DR1: variants seen among roughly 807,000 people sequenced by gnomAD.
DR1 encodes protein Dr1.
Under a neutral mutation model 19.9 loss-of-function variants are expected in DR1, and 7 were observed. The ratio of observed to expected loss-of-function variants is 0.35; its 90% CI spans 0.20 to 0.66. The LOEUF is 0.66. DR1 is among the 30% of genes least tolerant of loss of function. The pLI, the probability that DR1 is intolerant of heterozygous loss-of-function variation, is 0.66. For synonymous variants in DR1, 76 were observed against 72.5 expected, an observed-to-expected ratio of 1.05 and a Z score of -0.24; for missense variants, 98 against 203.7, an observed-to-expected ratio of 0.48 and a Z score of 3.16.
intron 1 of DR1, among the ~76,000 whole-genome samples, chr1:93,352,543 A>G (rs1489815519): frequency 2.0e-5 from 3 of 152,222 alleles, no homozygotes; most frequent in Non-Finnish European, 4.4e-5. Flanking sequence ...TAAAGTTGTA[A>G]ATCATTCAAA....
At chr1:93,356,712 G>A (rs1301474680) in intron 2 of DR1, among the ~76,000 whole-genome samples, 1 of 143,224 alleles carries the variant, frequency 7.0e-6, no homozygotes, top group Non-Finnish European at 1.5e-5. Flanking sequence ...ATTTTCTTAT[G>A]AACTCTTACA....
In DR1 at chr1:93,362,410, A is replaced by G. The variant is rs1258506546; in HGVS notation, c.*1771A>G. On this transcript the variant is annotated 3_prime_UTR_variant, in exon 3 of 3. Transcript: ENST00000370272. ...TCTATTTTAAGTATATCTGTTTCTT[A>G]AGTAAACAACTTAGATATTTTCCAC... The G allele has an allele frequency of 6.6e-6, 1 of 150,710 alleles. No homozygotes were observed. Among genetic ancestry groups the G allele is most frequent in the Non-Finnish European group, 1.5e-5 (1 of 67,578 alleles). 9.3% of individuals were successfully genotyped at this position (150,710 alleles called of 1,614,324 possible).
In DR1 at chr1:93,361,410, A is replaced by G. The variant is rs1303589928; in HGVS notation, c.*771A>G. On this transcript the variant is annotated 3_prime_UTR_variant, in exon 3 of 3. Transcript: ENST00000370272. ...TCACTCCAATTCAGTAATTGTTGAT[A>G]GTATTACTTACCTAGTCCATCCATA... 1 of 152,576 alleles carries G rather than the reference A, an allele frequency of 6.6e-6. No individual in the cohort carries two copies. The highest frequency in any genetic ancestry group is 2.4e-5 in the African/African-American group (1 of 41,430). The allele number at this position is 152,576 out of a possible 1,614,324, so 9.5% of individuals were successfully genotyped here.
At chr1:93,352,125 A>G (rs1338108507) in intron 1 of DR1, among the ~76,000 whole-genome samples, 2 of 152,212 alleles carry the variant, frequency 1.3e-5, no homozygotes, top group East Asian at 3.8e-4. Context: ...GTTGGAGTGC[A>G]GTGCCACAGT....
At chr1:93,354,665 T>G (rs1005560160) in intron 2 of DR1, among the ~76,000 whole-genome samples, 2 of 152,278 alleles carry the variant, frequency 1.3e-5, no homozygotes, top group African/African-American at 4.8e-5. Flanking sequence ...TTCTAAGTTC[T>G]GGCCTCTCAT....
At position 93,364,726 on chromosome 1, in the gene DR1, T is replaced by G. The variant is rs903190302; in HGVS notation, c.*4087T>G. ...TCACCTAAAGTATTACCACTGGTTC[T>G]TATCCTATTTCCTCAAAATAAATGA... On this transcript the variant is annotated 3_prime_UTR_variant, in exon 3 of 3. Transcript: ENST00000370272. 2.0e-5 allele frequency: 3 copies of G among 151,968 alleles called. No homozygotes were observed. The highest frequency in any genetic ancestry group is 6.6e-5 in the Admixed American group (1 of 15,264). The allele number at this position is 151,968 out of a possible 1,614,324, so 9.4% of individuals were successfully genotyped here.
chr1:93,359,492 A>G (rs542766971), intron 2 of DR1, among the ~76,000 whole-genome samples: 1 of 152,342 alleles, frequency 6.6e-6, no homozygotes, highest in African/African-American at 2.4e-5. Context: ...TGGAAAGGTC[A>G]AGAAAGACTA....
intron 1 of DR1, among the ~76,000 whole-genome samples, chr1:93,351,367 T>C (rs1303927816): frequency 6.6e-6 from 1 of 151,844 alleles, no homozygotes; most frequent in Admixed American, 6.6e-5. Context: ...TAAAGGTAGT[T>C]ATATATTTAA....
Position 93,346,607 on chromosome 1 carries a change from A to C in DR1, c.-39A>C. 3 of 1,551,946 alleles carry C rather than the reference A, an allele frequency of 1.9e-6. No homozygotes were observed. Among genetic ancestry groups the C allele is most frequent in the Non-Finnish European group, 2.7e-6 (3 of 1,126,332 alleles). On this transcript the variant is annotated 5_prime_UTR_variant, in exon 1 of 3. Transcript: ENST00000370272. ...GTGGAGTAGTGGACCAGAGCTGGGG[A>C]GTTTTTAAAAGCCGGGGCGCGAGAA...
At position 93,364,137 on chromosome 1, in the gene DR1, T is replaced by C. The variant is rs960557606; in HGVS notation, c.*3498T>C. ...GTAGCATAAAAATGAATTACGCTAA[T>C]GATCTTAGTGGGTTGAATTTCTCGA... On this transcript the variant is annotated 3_prime_UTR_variant, in exon 3 of 3. Coordinates refer to ENST00000370272, the MANE Select transcript of DR1 (RefSeq NM_001938.3). 4 of 152,218 alleles carry C rather than the reference T, an allele frequency of 2.6e-5. No individual in the cohort carries two copies. Among genetic ancestry groups the C allele is most frequent in the African/African-American group, 9.6e-5 (4 of 41,462 alleles). The allele number at this position is 152,218 out of a possible 1,614,324, so 9.4% of individuals were successfully genotyped here.
Position 93,363,006 on chromosome 1 carries a change from G to A in DR1, c.*2367G>A, listed in dbSNP as rs939075822. On this transcript the variant is annotated 3_prime_UTR_variant, in exon 3 of 3. Coordinates refer to ENST00000370272, the MANE Select transcript of DR1 (RefSeq NM_001938.3). Reference sequence around the variant, plus strand: ...GAATATATGTTATATATTCTTTTTCGGCAGATTATCAGATTAGTAAGTGTT... The same window carrying A: ...GAATATATGTTATATATTCTTTTTCAGCAGATTATCAGATTAGTAAGTGTT... 9.3e-5 allele frequency: 14 copies of A among 150,614 alleles called. No homozygotes were observed. Among genetic ancestry groups the A allele is most frequent in the Admixed American group, 2.6e-4 (4 of 15,136 alleles). 9.3% of individuals were successfully genotyped at this position (150,614 alleles called of 1,614,324 possible).
rs1463898603 is a variant in DR1 at position 93,366,787 on chromosome 1, AC to A, written c.*6150del. ...GAAGTCGAGGTGGGCAGATGGCTTG[AC>A]CTCAGGAGTTCGGAACCAGCCTGGG... On this transcript the variant is annotated 3_prime_UTR_variant, in exon 3 of 3. Transcript: ENST00000370272. 3 of 152,182 alleles carry A rather than the reference AC, an allele frequency of 2.0e-5. No individual in the cohort carries two copies. The highest frequency in any genetic ancestry group is 1.3e-4 in the Admixed American group (2 of 15,270). The allele number at this position is 152,182 out of a possible 1,614,324, so 9.4% of individuals were successfully genotyped here. A position where few individuals can be genotyped will look rare whatever the true frequency, so the allele number is the denominator to read the frequency against.
intron 1 of DR1, among the ~76,000 whole-genome samples, chr1:93,348,757 CT>C (rs1053734690): frequency 2.6e-5 from 4 of 151,922 alleles, no homozygotes; most frequent in Non-Finnish European, 4.4e-5. Flanking sequence ...AAAAATTTAC[CT>C]TTTTTTCTTG....
rs71311970 is a variant in DR1 at position 93,361,043 on chromosome 1, A to AGG, written c.*411_*412dup. The AGG allele has an allele frequency of 0.054, 7,928 of 147,532 alleles. 289 individuals carry two copies. The highest frequency in any genetic ancestry group is 0.081 in the Middle Eastern group (25 of 310). 9.1% of individuals were successfully genotyped at this position (147,532 alleles called of 1,614,324 possible). A position where few individuals can be genotyped will look rare whatever the true frequency, so the allele number is the denominator to read the frequency against. On this transcript the variant is annotated 3_prime_UTR_variant, in exon 3 of 3. Coordinates refer to ENST00000370272, the MANE Select transcript of DR1 (RefSeq NM_001938.3). ...AAAACTTGTGAATTTTAAATTATTA[A>AGG]GGGGGGGGTGCTGTGTGAATCAGTA...
Position 93,353,904 on chromosome 1 carries a change from C to G in DR1, c.221-4C>G. The G allele has an allele frequency of 6.3e-7, 1 of 1,598,178 alleles. No individual in the cohort carries two copies. Among genetic ancestry groups the G allele is most frequent in the Non-Finnish European group, 8.5e-7 (1 of 1,172,844 alleles). ...TTCATATTTTAATATTTTCATTTCT[C>G]TAGCACTAGAAAGTTTGGGATTTGG... On this transcript the variant is annotated splice_region_variant and splice_polypyrimidine_tract_variant and intron_variant, in intron 1 of 2. Transcript: ENST00000370272.
At chr1:93,353,810 C>T in intron 1 of DR1, 98 bp from the exon 2 acceptor site, 3 of 923,726 alleles carry the variant, frequency 3.2e-6, no homozygotes, top group Non-Finnish European at 4.7e-6. Flanking sequence ...AAACATTCCC[C>T]TCCCCCAAAG....
rs775157072 is a variant in DR1, at chr1:93,360,546, A to G, written c.438A>G (p.Gln146=). The change falls in exon 3 of 3, where the codon CAA becomes CAG. Residue 146 remains glutamine, a synonymous_variant. Transcript: ENST00000370272. ...AACAGGAATGGCTTCAAATGCAGCA[A>G]GCTGCCCAACAAGCCCAGCTTGCTG... The part of the protein sequence containing the change: ...LAQQEWLQMQ[Q]AAQQAQLAAA... 2 of 1,600,332 alleles carry G rather than the reference A, an allele frequency of 1.2e-6. No homozygotes were observed. Among genetic ancestry groups the G allele is most frequent in the East Asian group, 2.3e-5 (1 of 43,664 alleles).
At position 93,363,466 on chromosome 1, in the gene DR1, C is replaced by T. The variant is rs1307157930; in HGVS notation, c.*2827C>T. ...AATCAAAGTATCAGCAGGGTTGGCT[C>T]TTTATTGAGGTTGTGAGGGAGAATG... On this transcript the variant is annotated 3_prime_UTR_variant, in exon 3 of 3. Transcript: ENST00000370272. The T allele has an allele frequency of 6.6e-6, 1 of 152,168 alleles. No individual in the cohort carries two copies. Among genetic ancestry groups the T allele is most frequent in the Non-Finnish European group, 1.5e-5 (1 of 68,032 alleles). 9.4% of individuals were successfully genotyped at this position (152,168 alleles called of 1,614,324 possible). A position where few individuals can be genotyped will look rare whatever the true frequency, so the allele number is the denominator to read the frequency against.
rs1033133069 is a variant in DR1 at position 93,361,706 on chromosome 1, A to G, written c.*1067A>G. 6.6e-6 allele frequency: 1 copy of G among 152,512 alleles called. No individual in the cohort carries two copies. Among genetic ancestry groups the G allele is most frequent in the African/African-American group, 2.4e-5 (1 of 41,454 alleles). 9.4% of individuals were successfully genotyped at this position (152,512 alleles called of 1,614,324 possible). ...ATTATTGTCTCCATAATTGAGTGAT[A>G]GCTTTAAAAAAAAGATTAGTTTTGC... is the stretch of plus-strand genomic sequence containing the variant. On this transcript the variant is annotated 3_prime_UTR_variant, in exon 3 of 3. Transcript: ENST00000370272.
Sources: allele counts gnomAD v4.1 joint callset (sites outside exome capture counted in the v4.1 genomes callset), GRCh38; gene constraint gnomAD v4.1.1; transcripts MANE v1.5; gene names NCBI Gene and HGNC (gene_info 2026-07-23, HGNC 2026-07-21).